The following LINC00237 variants were observed in gnomAD, a reference collection of about 807,000 sequenced individuals.
LINC00237 encodes the protein long independently transcribed non-coding RNA 237, also known as long intergenic non-protein coding RNA 237.
intron 3 of LINC00237, chr20:21,087,570 A>G (rs1015470193): frequency 6.6e-6 from 1 of 152,118 alleles, no homozygotes; most frequent in African/African-American, 2.4e-5. Flanking sequence ...CCATTTCCCC[A>G]TGACCTTGCC....
intron 3 of LINC00237, among the ~76,000 whole-genome samples, chr20:21,086,621 C>CTA (rs1192630564): frequency 4.4e-4 from 45 of 102,014 alleles, no homozygotes; most frequent in East Asian, 2.5e-3. Flanking sequence ...ATATAGTATA[C>CTA]TATATATAGT....
At chr20:21,105,274 C>G (rs558699588) in intron 1 of LINC00237, among the ~76,000 whole-genome samples, 196 of 151,980 alleles carry the variant, frequency 1.3e-3, no homozygotes, top group Non-Finnish European at 2.3e-3. Context: ...TCTGAACAAC[C>G]CCCCCGTCCC....
intron 1 of LINC00237, among the ~76,000 whole-genome samples, chr20:21,098,622 G>T (rs1431742265): frequency 3.3e-5 from 5 of 152,206 alleles, no homozygotes; most frequent in Non-Finnish European, 7.3e-5. Context: ...GCATGTTACT[G>T]CTTTGACACT....
At position 21,087,369 on chromosome 20, in the gene LINC00237, G is replaced by C. The variant is rs1600309331; in HGVS notation, n.559+575C>G. Among the ~76,000 whole-genome samples the C allele has an allele frequency of 2.0e-5, 3 of 151,930 alleles. No individual in the cohort carries two copies. The South Asian group carries it at 6.2e-4, about 32-fold the overall frequency. ...TGGTTTAATTAAACATTCCCCTTTT[G>C]AATGGGTTCAGTTTTTTCTTTCTCT... On this transcript the variant is annotated intron_variant and non_coding_transcript_variant, in intron 3 of 3. Transcript: ENST00000691244.
At chr20:21,089,967 A>G (rs2030770269) in intron 2 of LINC00237, 1 of 152,246 alleles carries the variant, frequency 6.6e-6, no homozygotes, top group East Asian at 1.9e-4. Context: ...ACAGCAATAC[A>G]AAAATAATCA....
chr20:21,099,192 T>A (rs761319167), intron 1 of LINC00237, among the ~76,000 whole-genome samples: 1 of 152,174 alleles, frequency 6.6e-6, no homozygotes, highest in Non-Finnish European at 1.5e-5. Context: ...GCGAGTGCAC[T>A]GGCTGAAGGT....
chr20:21,092,066 G>A (rs1322451779), intron 2 of LINC00237, among the ~76,000 whole-genome samples: 1 of 152,104 alleles, frequency 6.6e-6, no homozygotes, highest in Non-Finnish European at 1.5e-5. Flanking sequence ...GGCTGATTAA[G>A]ACCCCCTCGT....
intron 1 of LINC00237, among the ~76,000 whole-genome samples, chr20:21,098,421 C>T (rs1025127530): frequency 2.0e-5 from 3 of 152,136 alleles, no homozygotes; most frequent in African/African-American, 4.8e-5. Flanking sequence ...TGAATGTGCC[C>T]GGTAGAAATG....
intron 3 of LINC00237, among the ~76,000 whole-genome samples, chr20:21,086,874 AC>A (rs2030716948): frequency 7.5e-6 from 1 of 133,082 alleles, no homozygotes; most frequent in African/African-American, 2.8e-5. Flanking sequence ...TATAGTATAC[AC>A]TATATAGTAT....
intron 3 of LINC00237, among the ~76,000 whole-genome samples, chr20:21,086,012 C>G (rs56278436): frequency 6.6e-6 from 1 of 152,052 alleles, no homozygotes; most frequent in East Asian, 1.9e-4. Flanking sequence ...AAGCTGCACA[C>G]GCAGTGCATT....
intron 1 of LINC00237, among the ~76,000 whole-genome samples, chr20:21,099,592 A>G (rs531176031): frequency 5.9e-4 from 90 of 152,132 alleles, no homozygotes; most frequent in African/African-American, 1.9e-3. Flanking sequence ...CCACTCCCCA[A>G]CATATTTCTT....
intron 1 of LINC00237, among the ~76,000 whole-genome samples, chr20:21,103,562 C>T (rs1314111074): frequency 6.6e-6 from 1 of 152,278 alleles, no homozygotes; most frequent in East Asian, 1.9e-4. Context: ...TTATTTAGTG[C>T]AATATGAAAT....
In LINC00237 at chr20:21,092,128, C is replaced by T. The variant is rs191319178; in HGVS notation, n.472+1341G>A. On this transcript the variant is annotated intron_variant and non_coding_transcript_variant, in intron 2 of 3. Transcript: ENST00000691244. ...TCCATCAGGAGATGTTTACTCCACC[C>T]AGTGTTCAAGGACTCTGCTAATTCT... is the stretch of plus-strand genomic sequence containing the variant. Among the ~76,000 whole-genome samples the T allele has an allele frequency of 7.2e-5, 11 of 152,318 alleles. No homozygotes were observed. The East Asian group carries it at 2.1e-3, about 29-fold the overall frequency.
chr20:21,105,963 CG>C (rs951686515), intron 1 of LINC00237, among the ~76,000 whole-genome samples: 2 of 152,142 alleles, frequency 1.3e-5, no homozygotes, highest in African/African-American at 2.4e-5. Context: ...AGGCGCGGGG[CG>C]GGGTCGGGGG....
At chr20:21,100,605 T>G (rs575831947) in intron 1 of LINC00237, among the ~76,000 whole-genome samples, 2 of 152,386 alleles carry the variant, frequency 1.3e-5, no homozygotes, top group East Asian at 1.9e-4. Context: ...TTTTTTTCTT[T>G]TTGTTCTTTG....
chr20:21,102,698 A>AG (rs2030947795), intron 1 of LINC00237, among the ~76,000 whole-genome samples: 1 of 137,444 alleles, frequency 7.3e-6, no homozygotes, highest in South Asian at 2.2e-4. Context: ...TTTTATAAGA[A>AG]AAAAAAAAAA....
intron 1 of LINC00237, among the ~76,000 whole-genome samples, chr20:21,104,423 A>C (rs577038313): frequency 6.6e-6 from 1 of 152,388 alleles, no homozygotes; most frequent in African/African-American, 2.4e-5. Flanking sequence ...CTCCGGCTGC[A>C]GAGGCGGCCG....
intron 3 of LINC00237, among the ~76,000 whole-genome samples, chr20:21,086,702 ACTATATATACAT>A (rs2030709173): frequency 4.1e-4 from 2 of 4,916 alleles, no homozygotes; most frequent in Non-Finnish European, 1.0e-3. Context: ...TATGTAGTAT[ACTATATATACAT>A]ATATACTATA....
intron 2 of LINC00237, among the ~76,000 whole-genome samples, chr20:21,088,182 T>C (rs1177188958): frequency 6.6e-6 from 1 of 152,106 alleles, no homozygotes; most frequent in African/African-American, 2.4e-5. Flanking sequence ...ATGAGATGAC[T>C]GAAACTGCCG....
Sources: allele counts gnomAD v4.1 joint callset (sites outside exome capture counted in the v4.1 genomes callset), GRCh38; gene constraint gnomAD v4.1.1; transcripts MANE v1.5; gene names NCBI Gene and HGNC (gene_info 2026-07-23, HGNC 2026-07-21).